OGN: variants seen among roughly 807,000 people sequenced by gnomAD.
OGN encodes the protein osteoglycin.
A neutral mutation model predicts 30.8 loss-of-function variants in OGN; 19 were observed. That is an observed-to-expected ratio of 0.62 (90% CI 0.43 to 0.90). The LOEUF (loss-of-function observed/expected upper bound fraction) is 0.90. OGN is among the 40% of genes least tolerant of loss of function. The probability of loss-of-function intolerance (pLI) is 0.00; values close to 1 mark genes in which losing one functional copy is unlikely to be tolerated. For missense variants in OGN, 283 were observed against 349.7 expected, an observed-to-expected ratio of 0.81 and a Z score of 1.52; for synonymous variants, 126 against 128.3, an observed-to-expected ratio of 0.98 and a Z score of 0.12.
chr9:92,385,590 A>G lies in OGN; in HGVS notation c.*30T>C. 1 of 1,590,506 alleles carries G rather than the reference A, an allele frequency of 6.3e-7. No individual in the cohort carries two copies. Among genetic ancestry groups the G allele is most frequent in the Non-Finnish European group, 8.6e-7 (1 of 1,159,280 alleles). ...TGAGACAGACTATTAGTGTAGGTGT[A>G]CTTTCATTTATATGTTGTACCAATA... is the stretch of plus-strand genomic sequence containing the variant. On this transcript the variant is annotated 3_prime_UTR_variant, in exon 7 of 7. Coordinates refer to ENST00000375561, the MANE Select transcript of OGN (RefSeq NM_014057.5).
chr9:92,389,145 C>T (rs1842564309), intron 5 of OGN, among the ~76,000 whole-genome samples: 1 of 152,078 alleles, frequency 6.6e-6, no homozygotes, highest in South Asian at 2.1e-4. Context: ...GAGATTATGT[C>T]TGTTACCAGC....
In OGN at chr9:92,385,565, T is replaced by G; in HGVS notation, c.*55A>C. On this transcript the variant is annotated 3_prime_UTR_variant, in exon 7 of 7. Transcript: ENST00000375561. ...ATACTTAAGTTCCTTTACTCATTGT[T>G]GAGACAGACTATTAGTGTAGGTGTA... 3.4e-5 allele frequency: 50 copies of G among 1,476,008 alleles called. No homozygotes were observed. The highest frequency in any genetic ancestry group is 4.4e-5 in the Non-Finnish European group (47 of 1,064,258). 91.4% of individuals were successfully genotyped at this position (1,476,008 alleles called of 1,614,324 possible).
intron 3 of OGN, 98 bp downstream of exon 3, chr9:92,400,994 T>A: frequency 1.6e-6 from 1 of 626,796 alleles, no homozygotes; most frequent in Non-Finnish European, 2.8e-6. Context: ...TGTTTGTATT[T>A]ACTGTATCTT....
At chr9:92,389,609 G>A (rs1413468117) in intron 5 of OGN, 3 of 318,002 alleles carry the variant, frequency 9.4e-6, no homozygotes, top group Non-Finnish European at 1.7e-5. Context: ...ATGAACAAGT[G>A]AAAAAATGAG....
rs758451934 is a variant in OGN at position 92,389,926 on chromosome 9, A to G, written c.558T>C (p.Pro186=). The stretch of plus-strand genomic sequence containing the variant: ...TTGCATTAAATAAAGTGAGCTTGGG[A>G]GGAAGAACTGGAAGTTTTAGTAGTT... ...ENQLLKLPVL[P]PKLTLFNAKY... Residue 186 remains proline, a synonymous_variant, in exon 5 of 7, where the codon CCT becomes CCC. Coordinates refer to ENST00000375561, the MANE Select transcript of OGN (RefSeq NM_014057.5). 56 of 1,613,258 alleles carry G rather than the reference A, an allele frequency of 3.5e-5. No homozygotes were observed. In the African/African-American group the frequency reaches 6.8e-4, roughly 20 times the overall value.
At position 92,392,634 on chromosome 9, in the gene OGN, G is replaced by GA. The variant is rs148375786; in HGVS notation, c.427+451dup. 8.7e-3 allele frequency among the ~76,000 whole-genome samples: 1,243 copies of GA among 143,552 alleles called. 5 individuals carry two copies. Among genetic ancestry groups the GA allele is most frequent in the Non-Finnish European group, 0.013 (841 of 65,116 alleles). 94.2% of individuals were successfully genotyped at this position (143,552 alleles called of 152,430 possible). A position where few individuals can be genotyped will look rare whatever the true frequency, so the allele number is the denominator to read the frequency against. On this transcript the variant is annotated intron_variant, in intron 4 of 6. Transcript: ENST00000375561. ...CATGTCGGGTTGGGGGGAGGGGGGAGAAAAAAAAAACACTTCCCAAGATAT... is the reference window on the plus strand; with the variant it reads ...CATGTCGGGTTGGGGGGAGGGGGGAGAAAAAAAAAAACACTTCCCAAGATAT...
intron 3 of OGN, among the ~76,000 whole-genome samples, chr9:92,396,896 C>G (rs745824349): frequency 4.9e-4 from 74 of 152,150 alleles, no homozygotes; most frequent in Non-Finnish European, 9.7e-4. Flanking sequence ...TGTCAGGAGA[C>G]TGGGTGCAAT....
At position 92,389,880 on chromosome 9, in the gene OGN, T is replaced by C; in HGVS notation, c.604A>G (p.Arg202Gly). Reference sequence around the variant, plus strand: ...TTGAATGCATTTGCTTTGATTCCCCTACTCTTGATTTTGTTGTATTTTGCA... The same window carrying C: ...TTGAATGCATTTGCTTTGATTCCCCCACTCTTGATTTTGTTGTATTTTGCA... ...FNAKYNKIKSRGIKANAFKKL... is the reference protein window; with the variant it reads ...FNAKYNKIKSGGIKANAFKKL... The change falls in exon 5 of 7, where the codon AGG (arginine) becomes GGG (glycine). Residue 202 changes from arginine (R) to glycine (G), a missense_variant. Physicochemically the swap from Arg to Gly is moderately radical, Grantham distance 125. Coordinates refer to ENST00000375561, the MANE Select transcript of OGN (RefSeq NM_014057.5). The C allele has an allele frequency of 6.2e-7, 1 of 1,612,394 alleles. No homozygotes were observed. Among genetic ancestry groups the C allele is most frequent in the Non-Finnish European group, 8.5e-7 (1 of 1,178,838 alleles).
chr9:92,387,193 T>C (rs1413570002), intron 5 of OGN, among the ~76,000 whole-genome samples: 2 of 151,244 alleles, frequency 1.3e-5, no homozygotes, highest in Admixed American at 1.3e-4. Context: ...GCCAACATGG[T>C]GAAACCCCAT....
chr9:92,394,055 G>A (rs1842794164), intron 3 of OGN, among the ~76,000 whole-genome samples: 1 of 152,052 alleles, frequency 6.6e-6, no homozygotes, highest in Non-Finnish European at 1.5e-5. Flanking sequence ...TAAATGTCTG[G>A]TGTGACATTG....
chr9:92,404,187 G>A (rs1436687010), intron 1 of OGN, among the ~76,000 whole-genome samples: 1 of 152,102 alleles, frequency 6.6e-6, no homozygotes, highest in Non-Finnish European at 1.5e-5. Flanking sequence ...ACACATTTCA[G>A]ACTTTTTCTT....
At chr9:92,396,537 A>G (rs1320624148) in intron 3 of OGN, among the ~76,000 whole-genome samples, 1 of 149,296 alleles carries the variant, frequency 6.7e-6, no homozygotes, top group African/African-American at 2.5e-5. Context: ...AGCGTTATTT[A>G]GATTTCAGTG....
At chr9:92,390,563 AGTGTGTGT>A (rs61628295) in intron 4 of OGN, among the ~76,000 whole-genome samples, 9 of 150,546 alleles carry the variant, frequency 6.0e-5, no homozygotes, top group East Asian at 5.9e-4. Context: ...AGAGAAATTC[AGTGTGTGT>A]GTGTGTGTGT....
intron 3 of OGN, among the ~76,000 whole-genome samples, chr9:92,397,085 G>A (rs185992404): frequency 2.0e-3 from 297 of 152,024 alleles, no homozygotes; most frequent in African/African-American, 6.9e-3. Context: ...GCTGAGGCAG[G>A]AGGATTGCTG....
chr9:92,398,331 G>A (rs190735596), intron 3 of OGN, among the ~76,000 whole-genome samples: 3 of 151,910 alleles, frequency 2.0e-5, no homozygotes, highest in Admixed American at 6.6e-5. Context: ...ATTTATATAC[G>A]TATTTGGTTT....
At chr9:92,388,752 A>G (rs1327918805) in intron 5 of OGN, among the ~76,000 whole-genome samples, 1 of 151,444 alleles carries the variant, frequency 6.6e-6, no homozygotes, top group Admixed American at 6.6e-5. Flanking sequence ...GAATTGCTCA[A>G]ACCTGGGAGG....
Position 92,384,291 on chromosome 9 carries a change from A to G in OGN, c.*1329T>C, listed in dbSNP as rs1842342369. On this transcript the variant is annotated 3_prime_UTR_variant, in exon 7 of 7. Transcript: ENST00000375561. ...GGGAGATAACTGAAAAACATCTGAC[A>G]TTCTAGGTAGGGAAAACAGAAGCAA... 6.6e-6 allele frequency: 1 copy of G among 152,210 alleles called. No individual in the cohort carries two copies. The highest frequency in any genetic ancestry group is 2.4e-5 in the African/African-American group (1 of 41,460). 9.4% of individuals were successfully genotyped at this position (152,210 alleles called of 1,614,324 possible).
intron 4 of OGN, among the ~76,000 whole-genome samples, chr9:92,390,489 C>T (rs759009348): frequency 6.6e-6 from 1 of 151,992 alleles, no homozygotes; most frequent in Non-Finnish European, 1.5e-5. Context: ...CTCTCTATGC[C>T]TTATCGCTTA....
intron 3 of OGN, among the ~76,000 whole-genome samples, chr9:92,398,109 CTG>C (rs1842966150): frequency 1.3e-5 from 2 of 152,298 alleles, no homozygotes; most frequent in Admixed American, 6.5e-5. Context: ...ACTCATAACA[CTG>C]TGCATAACAA....
Sources: gnomAD v4.1 joint callset for allele counts (sites outside exome capture counted in the v4.1 genomes callset) on GRCh38, gnomAD v4.1.1 for gene constraint, MANE v1.5 for transcripts, NCBI Gene and HGNC (gene_info 2026-07-23, HGNC 2026-07-21) for gene names.